PMEPA1: variants seen among roughly 807,000 people sequenced by gnomAD.
PMEPA1 encodes the protein prostate transmembrane protein, androgen induced 1.
PMEPA1 carries 11 observed loss-of-function variants against 23.0 expected under a neutral mutation model. That is an observed-to-expected ratio of 0.48 (90% CI 0.30 to 0.79). The LOEUF (loss-of-function observed/expected upper bound fraction) is 0.79, where lower values mean the gene tolerates loss of function less well. PMEPA1 is among the 30% of genes least tolerant of loss of function. The pLI, the probability that PMEPA1 is intolerant of heterozygous loss-of-function variation, is 0.06. For missense variants in PMEPA1, 377 were observed against 390.9 expected (o/e 0.96, Z 0.30); for synonymous variants, 204 against 166.4 (o/e 1.23, Z -1.74).
At chr20:57,699,516 C>CAG (rs1568685402) in intron 1 of PMEPA1, among the ~76,000 whole-genome samples, 5 of 152,170 alleles carry the variant, frequency 3.3e-5, no homozygotes, top group Admixed American at 2.0e-4. Context: ...CCCAGGACCC[C>CAG]GCCACAGTCT....
chr20:57,675,570 T>G (rs2071625488), intron 1 of PMEPA1, among the ~76,000 whole-genome samples: 1 of 151,758 alleles, frequency 6.6e-6, no homozygotes, highest in Non-Finnish European at 1.5e-5. Flanking sequence ...TTGCTACGAG[T>G]GTTTTCCGGT....
rs2071740047 is a variant in PMEPA1, at chr20:57,682,924, T to C, written c.110-23227A>G. Among the ~76,000 whole-genome samples the C allele has an allele frequency of 6.6e-6, 1 of 152,224 alleles. No individual in the cohort carries two copies. Among genetic ancestry groups the C allele is most frequent in the Non-Finnish European group, 1.5e-5 (1 of 68,040 alleles). Reference sequence around the variant, plus strand: ...GACAAATGAGCAGCAGCTCGCCTCCTAAATAAGGCAGCACACCAAGACGGT... The same window carrying C: ...GACAAATGAGCAGCAGCTCGCCTCCCAAATAAGGCAGCACACCAAGACGGT... On this transcript the variant is annotated intron_variant, in intron 1 of 3. Transcript: ENST00000341744. The surrounding 1 kb of genome is among the most constrained non-coding windows in gnomAD (Gnocchi z 4.4).
intron 2 of PMEPA1, among the ~76,000 whole-genome samples, chr20:57,658,600 C>A (rs2071360463): frequency 6.6e-6 from 1 of 152,178 alleles, no homozygotes; most frequent in South Asian, 2.1e-4. Context: ...AGCCCTGAAT[C>A]TCTGGGGAGG....
At chr20:57,653,565 A>G (rs1198206330) in intron 2 of PMEPA1, among the ~76,000 whole-genome samples, 1 of 152,222 alleles carries the variant, frequency 6.6e-6, no homozygotes, top group Non-Finnish European at 1.5e-5. Flanking sequence ...CTTGCCTCAT[A>G]GTTGCTCAAG....
At chr20:57,653,994 C>T (rs1408870094) in intron 2 of PMEPA1, among the ~76,000 whole-genome samples, 1 of 152,148 alleles carries the variant, frequency 6.6e-6, no homozygotes, top group Non-Finnish European at 1.5e-5. Flanking sequence ...GTGCCCAAGG[C>T]GGCTGCTCTG....
chr20:57,671,721 G>A (rs1228366870), intron 1 of PMEPA1, among the ~76,000 whole-genome samples: 3 of 152,194 alleles, frequency 2.0e-5, no homozygotes, highest in Non-Finnish European at 4.4e-5. Context: ...TCTGAGCAGG[G>A]GAAACTGAGC....
rs1296535045 is a variant in PMEPA1 at position 57,704,622 on chromosome 20, C to T, written c.109+4852G>A. Among the ~76,000 whole-genome samples the T allele has an allele frequency of 6.6e-6, 1 of 152,232 alleles. No homozygotes were observed. Among genetic ancestry groups the T allele is most frequent in the African/African-American group, 2.4e-5 (1 of 41,454 alleles). On this transcript the variant is annotated intron_variant, in intron 1 of 3. Transcript: ENST00000341744. This position sits in a 1 kb window ranked among gnomAD's most constrained non-coding sequence, Gnocchi z 4.6. ...TGCCTGCAAACTTGGTCTCTGGATG[C>T]TAACACCTGAAGAGAGAAGGCCACA...
At position 57,664,576 on chromosome 20, in the gene PMEPA1, G is replaced by A. The variant is rs536092329; in HGVS notation, c.110-4879C>T. Among the ~76,000 whole-genome samples, 18 of 149,860 alleles carry A rather than the reference G, an allele frequency of 1.2e-4. 1 individual carries two copies. The highest frequency in any genetic ancestry group is 4.0e-4 in the African/African-American group (16 of 39,644). On this transcript the variant is annotated intron_variant, in intron 1 of 3. Transcript: ENST00000341744. Reference sequence around the variant, plus strand: ...TCCTCTTCGTGCCTGCATTTGTTCCGAGGAGCGCAGGGAGGCTGCTGGGGC... The same window carrying A: ...TCCTCTTCGTGCCTGCATTTGTTCCAAGGAGCGCAGGGAGGCTGCTGGGGC...
intron 1 of PMEPA1, among the ~76,000 whole-genome samples, chr20:57,664,310 C>T (rs894190953): frequency 1.3e-5 from 2 of 152,144 alleles, no homozygotes; most frequent in African/African-American, 2.4e-5. Flanking sequence ...ACTCAGCATG[C>T]GGGCCTCTAC....
In PMEPA1 at chr20:57,704,320, C is replaced by T. The variant is rs562477372; in HGVS notation, c.109+5154G>A. Reference sequence around the variant, plus strand: ...TGAGTTTGCTTCCCTGAACCATGCTCCCCCAGCCTCGGGGAGCCCCTGGCA... The same window carrying T: ...TGAGTTTGCTTCCCTGAACCATGCTTCCCCAGCCTCGGGGAGCCCCTGGCA... On this transcript the variant is annotated intron_variant, in intron 1 of 3. Coordinates refer to ENST00000341744, the MANE Select transcript of PMEPA1 (RefSeq NM_020182.5). This position sits in a 1 kb window ranked among gnomAD's most constrained non-coding sequence, Gnocchi z 4.6. Among the ~76,000 whole-genome samples, 3 of 152,110 alleles carry T rather than the reference C, an allele frequency of 2.0e-5. No individual in the cohort carries two copies. The highest frequency in any genetic ancestry group is 7.2e-5 in the African/African-American group (3 of 41,416).
At chr20:57,698,931 C>T (rs896546736) in intron 1 of PMEPA1, among the ~76,000 whole-genome samples, 3 of 152,202 alleles carry the variant, frequency 2.0e-5, no homozygotes, top group Admixed American at 1.3e-4. Flanking sequence ...GTCTGAAGCA[C>T]ATCACTGACC....
chr20:57,709,501 G>T lies in PMEPA1; in HGVS notation c.82C>A (p.Arg28Ser). The change falls in exon 1 of 4, where the codon CGC becomes AGC. Residue 28 changes from arginine to serine, a missense_variant. Arg to Ser is a moderately radical substitution (Grantham distance 110). Around this residue, in one of 3 missense-constraint regions of PMEPA1, gnomAD observed 198 missense variants for 196.3 expected, o/e 1.01. Coordinates refer to ENST00000341744, the MANE Select transcript of PMEPA1 (RefSeq NM_020182.5). ...ATCTCCATGCTCTGGAACAAAGAGC[G>T]TTTGCAGTTGCACGTGCAGGAGACA... Reference protein sequence around the residue: ...PNVSCTCNCKRSLFQSMEITE... With the variant: ...PNVSCTCNCKSSLFQSMEITE... The T allele has an allele frequency of 8.8e-7, 1 of 1,140,354 alleles. No homozygotes were observed. The highest frequency in any genetic ancestry group is 3.7e-5 in the Admixed American group (1 of 27,018). The allele number at this position is 1,140,354 out of a possible 1,614,324, so 70.6% of individuals were successfully genotyped here. A position where few individuals can be genotyped will look rare whatever the true frequency, so the allele number is the denominator to read the frequency against.
intron 1 of PMEPA1, among the ~76,000 whole-genome samples, chr20:57,692,047 G>A (rs1214437404): frequency 1.3e-5 from 2 of 152,136 alleles, no homozygotes; most frequent in Non-Finnish European, 2.9e-5. Flanking sequence ...GGTAGGTCCC[G>A]GGGCTTACGG....
chr20:57,675,532 G>T (rs1295965090), intron 1 of PMEPA1, among the ~76,000 whole-genome samples: 1 of 151,320 alleles, frequency 6.6e-6, no homozygotes, highest in Non-Finnish European at 1.5e-5. Flanking sequence ...GGCCCAGGAA[G>T]ACCCCTGGCC....
rs1031273625 is a variant in PMEPA1 at position 57,704,918 on chromosome 20, G to C, written c.109+4556C>G. Among the ~76,000 whole-genome samples the C allele has an allele frequency of 8.5e-5, 13 of 152,072 alleles. No individual in the cohort carries two copies. The highest frequency in any genetic ancestry group is 1.9e-4 in the Non-Finnish European group (13 of 68,012). Reference sequence around the variant, plus strand: ...TTCCAGCCTCCACAGACCTCCCGACGGCCTCCCTTCTCCTGGGCAGCGGCA... The same window carrying C: ...TTCCAGCCTCCACAGACCTCCCGACCGCCTCCCTTCTCCTGGGCAGCGGCA... On this transcript the variant is annotated intron_variant, in intron 1 of 3. Transcript: ENST00000341744. The surrounding 1 kb of genome is among the most constrained non-coding windows in gnomAD (Gnocchi z 4.6).
chr20:57,706,124 G>A (rs1278090308), intron 1 of PMEPA1, among the ~76,000 whole-genome samples: 4 of 152,192 alleles, frequency 2.6e-5, no homozygotes, highest in African/African-American at 9.7e-5. Context: ...AGCTGCCACC[G>A]TAGATACCAC....
intron 1 of PMEPA1, among the ~76,000 whole-genome samples, chr20:57,665,312 T>C (rs1293789989): frequency 3.3e-5 from 5 of 152,228 alleles, no homozygotes; most frequent in African/African-American, 9.6e-5. Context: ...AGAGCCGCCA[T>C]ATAGGAACTC....
chr20:57,695,964 C>T (rs1488120862), intron 1 of PMEPA1, among the ~76,000 whole-genome samples: 1 of 152,142 alleles, frequency 6.6e-6, no homozygotes, highest in African/African-American at 2.4e-5. Context: ...AGAGAGGGTC[C>T]CTCCAGTCCA....
Position 57,709,781 on chromosome 20 carries a change from C to A in PMEPA1, c.-199G>T, listed in dbSNP as rs924778197. On this transcript the variant is annotated 5_prime_UTR_variant, in exon 1 of 4. Coordinates refer to ENST00000341744, the MANE Select transcript of PMEPA1 (RefSeq NM_020182.5). ...TGCGCGGGACCGCGCTCCGCTGCGC[C>A]CCCCCGGCCTCCCCTCGGCAGCCCC... The A allele has an allele frequency of 1.5e-5, 15 of 981,766 alleles. No individual in the cohort carries two copies. The highest frequency in any genetic ancestry group is 5.3e-5 in the African/African-American group (3 of 56,696). The allele number at this position is 981,766 out of a possible 1,614,324, so 60.8% of individuals were successfully genotyped here. A position where few individuals can be genotyped will look rare whatever the true frequency, so the allele number is the denominator to read the frequency against.
Sources: allele counts gnomAD v4.1 joint callset (sites outside exome capture counted in the v4.1 genomes callset), GRCh38; gene constraint gnomAD v4.1.1; regional missense constraint gnomAD v4.1.1; non-coding constraint Gnocchi (gnomAD v3.1); transcripts MANE v1.5; gene names NCBI Gene and HGNC (gene_info 2026-07-23, HGNC 2026-07-21).